The following TMEM214 variants were observed in gnomAD, a reference collection of about 807,000 sequenced individuals.
TMEM214 encodes the protein transmembrane protein 214.
TMEM214 carries 71 observed loss-of-function variants against 89.8 expected under a neutral mutation model. That is an observed-to-expected ratio of 0.79 (90% CI 0.65 to 0.96). The LOEUF (loss-of-function observed/expected upper bound fraction) is 0.96, where lower values mean the gene tolerates loss of function less well. TMEM214 is among the 40% of genes least tolerant of loss of function. TMEM214 has a pLI of 0.00. For synonymous variants in TMEM214, 332 were observed against 349.5 expected, an observed-to-expected ratio of 0.95 and a Z score of 0.56; for missense variants, 754 against 843.4, an observed-to-expected ratio of 0.89 and a Z score of 1.31.
rs1667600305 is a variant in TMEM214 at position 27,037,095 on chromosome 2, C to T, written c.927C>T (p.Thr309=). 1 of 1,613,908 alleles carries T rather than the reference C, an allele frequency of 6.2e-7. No individual in the cohort carries two copies. The highest frequency in any genetic ancestry group is 1.1e-5 in the South Asian group (1 of 91,078). The change falls in exon 8 of 17, where the codon ACC becomes ACT. Residue 309 remains threonine (T), a synonymous_variant. Transcript: ENST00000238788. ...CCCACAGGATGCATCCCAACCTTAC[C>T]AAGGGCTTCGGCATGATTGGCCCCA... is the stretch of plus-strand genomic sequence containing the variant. ...DRLLLMHPNL[T]KGFGMIGPKD...
intron 9 of TMEM214, 161 bp downstream of exon 9, chr2:27,037,863 A>G (rs1485582657): frequency 2.6e-6 from 4 of 1,559,892 alleles, no homozygotes; most frequent in Non-Finnish European, 2.6e-6. Flanking sequence ...TCACCCTCAG[A>G]AGATGGATCC....
Position 27,038,731 on chromosome 2 carries a change from G to C in TMEM214, c.1323G>C (p.Gln441His). ...KVQKSLQETI[Q>H]SLKLTNQELL... ...AGAAGTCTTTGCAAGAAACCATTCA[G>C]TCCCTCAAGCTTACCAACCAGGAGC... Residue 441 changes from glutamine to histidine, a missense_variant, in exon 12 of 17, where the codon CAG becomes CAC. Gln to His is a conservative substitution (Grantham distance 24). Transcript: ENST00000238788. The surrounding 1 kb of genome is among the most constrained non-coding windows in gnomAD (Gnocchi z 4.4). The C allele has an allele frequency of 6.2e-7, 1 of 1,614,164 alleles. No homozygotes were observed. The highest frequency in any genetic ancestry group is 8.5e-7 in the Non-Finnish European group (1 of 1,180,020).
At position 27,038,002 on chromosome 2, in the gene TMEM214, G is replaced by A. The variant is rs528838791; in HGVS notation, c.1153-144G>A. The A allele has an allele frequency of 1.3e-6, 2 of 1,582,766 alleles. No individual in the cohort carries two copies. The highest frequency in any genetic ancestry group is 3.7e-5 in the Admixed American group (2 of 54,640). On this transcript the variant is annotated intron_variant, in intron 9 of 16. Transcript: ENST00000238788. This position sits in a 1 kb window ranked among gnomAD's most constrained non-coding sequence, Gnocchi z 4.4. ...TTACAGCCTCTCAGAGAGCTTTCTG[G>A]AGTCTTGACACTGTTTCTCCACCCC... is the stretch of plus-strand genomic sequence containing the variant.
Position 27,038,230 on chromosome 2 carries a change from C to T in TMEM214, c.1237C>T (p.Gln413Ter), listed in dbSNP as rs757700807. ...WRQLYPKHLSQSSLLLEHLLS... is the reference protein window; with the variant it reads ...WRQLYPKHLS ...GCAGCTGTACCCTAAGCACCTGTCA[C>T]AGTCCAGGCAGGTGGGGTGGGAGGC... is the stretch of plus-strand genomic sequence containing the variant. The change falls in exon 10 of 17, where the codon CAG becomes TAG. Residue 413 changes from glutamine (Q) to a stop codon, truncating the protein, a stop_gained. Transcript: ENST00000238788. LOFTEE classifies it high-confidence loss of function. This position sits in a 1 kb window ranked among gnomAD's most constrained non-coding sequence, Gnocchi z 4.4. The T allele has an allele frequency of 6.2e-7, 1 of 1,613,340 alleles. No homozygotes were observed. Among genetic ancestry groups the T allele is most frequent in the Non-Finnish European group, 8.5e-7 (1 of 1,179,342 alleles).
At chr2:27,036,228 T>A (rs1390922037) in intron 5 of TMEM214, among the ~76,000 whole-genome samples, 176 bp downstream of exon 5, 1 of 152,230 alleles carries the variant, frequency 6.6e-6, no homozygotes, top group Non-Finnish European at 1.5e-5. Flanking sequence ...AGCAAGGTAC[T>A]GCTATTATTT....
chr2:27,033,051 G>A lies in TMEM214; in HGVS notation c.36G>A (p.Glu12=). ...AGACGGCGGGCGTGGGGCGGTGGGAGGTAGTGAAGAAGGGTCGGCGGCCTG... is the reference window on the plus strand; with the variant it reads ...AGACGGCGGGCGTGGGGCGGTGGGAAGTAGTGAAGAAGGGTCGGCGGCCTG... The part of the protein sequence containing the change: ...ATKTAGVGRW[E]VVKKGRRPGV... Residue 12 remains glutamate, a synonymous_variant, in exon 1 of 17, where the codon GAG becomes GAA. Coordinates refer to ENST00000238788, the MANE Select transcript of TMEM214 (RefSeq NM_017727.5). The A allele has an allele frequency of 8.0e-7, 1 of 1,247,540 alleles. No individual in the cohort carries two copies. Among genetic ancestry groups the A allele is most frequent in the South Asian group, 4.1e-5 (1 of 24,394 alleles). 77.3% of individuals were successfully genotyped at this position (1,247,540 alleles called of 1,614,324 possible).
chr2:27,039,895 GGGA>G (rs59935461), intron 14 of TMEM214, 58 bp downstream of exon 14: 1,591,251 of 1,600,328 alleles, frequency 0.99, 791,521 homozygotes, highest in East Asian at 1. Context: ...CTGGGTGTCA[GGGA>G]GGAGGCGACA....
chr2:27,037,817 C>G (rs1312455122), intron 9 of TMEM214, 115 bp downstream of exon 9: 2 of 1,602,876 alleles, frequency 1.2e-6, no homozygotes, highest in Admixed American at 1.7e-5. Flanking sequence ...TTCCTTAGCT[C>G]CCTGTTGACA....
In TMEM214 at chr2:27,039,833, T is replaced by C. The variant is rs200723345; in HGVS notation, c.1618T>C (p.Tyr540His). The part of the protein sequence containing the change: ...AKLYSYSLQG[Y>H]SWLGETLPLW... Reference sequence around the variant, plus strand: ...GCTCTACTCCTACAGTCTGCAAGGCTACAGGTGAGCTCCTCCCAGGGAGGG... The same window carrying C: ...GCTCTACTCCTACAGTCTGCAAGGCCACAGGTGAGCTCCTCCCAGGGAGGG... The change falls in exon 14 of 17, where the codon TAC (tyrosine) becomes CAC (histidine). Residue 540 changes from tyrosine (Y) to histidine (H), a missense_variant. Physicochemically the swap from Tyr to His is moderately conservative, Grantham distance 83 (BLOSUM62 2). Coordinates refer to ENST00000238788, the MANE Select transcript of TMEM214 (RefSeq NM_017727.5). The C allele has an allele frequency of 1.1e-5, 18 of 1,614,166 alleles. No individual in the cohort carries two copies. Among genetic ancestry groups the C allele is most frequent in the African/African-American group, 9.3e-5 (7 of 75,042 alleles).
intron 5 of TMEM214, 108 bp downstream of exon 5, chr2:27,036,160 A>G: frequency 2.1e-6 from 2 of 965,504 alleles, no homozygotes; most frequent in Non-Finnish European, 3.3e-6. Context: ...CTGTAAGCCT[A>G]GTAATAATGG....
chr2:27,037,151 A>G lies in TMEM214; in HGVS notation c.983A>G (p.Tyr328Cys), dbSNP rs762033632. Residue 328 changes from tyrosine (Y) to cysteine (C), a missense_variant, in exon 8 of 17, where the codon TAT (tyrosine) becomes TGT (cysteine). Physicochemically the swap from Tyr to Cys is radical, Grantham distance 194. Coordinates refer to ENST00000238788, the MANE Select transcript of TMEM214 (RefSeq NM_017727.5). ...KDFFPLLDFA[Y>C]MPNNSLTPSL... ...TTCTTCCCACTTCTGGACTTTGCCT[A>G]TATGCCGAACAACTCCCTGACACCC... The G allele has an allele frequency of 6.2e-6, 10 of 1,613,974 alleles. No homozygotes were observed. Among genetic ancestry groups the G allele is most frequent in the Admixed American group, 1.7e-5 (1 of 59,980 alleles).
chr2:27,034,114 A>G lies in TMEM214; in HGVS notation c.199A>G (p.Ile67Val), dbSNP rs766851800. The G allele has an allele frequency of 1.1e-5, 17 of 1,614,050 alleles. No individual in the cohort carries two copies. The highest frequency in any genetic ancestry group is 1.4e-5 in the Non-Finnish European group (16 of 1,180,042). ...STLYERGFENIMKRQNKEQVP... is the reference protein window; with the variant it reads ...STLYERGFENVMKRQNKEQVP... ...CCTTTATGAGCGGGGCTTTGAGAATATCATGAAGCGGCAGAATAAGGAGCA... is the reference window on the plus strand; with the variant it reads ...CCTTTATGAGCGGGGCTTTGAGAATGTCATGAAGCGGCAGAATAAGGAGCA... The change falls in exon 2 of 17, where the codon ATC becomes GTC. Residue 67 changes from isoleucine to valine, a missense_variant. Physicochemically the swap from Ile to Val is conservative, Grantham distance 29 (BLOSUM62 3). Transcript: ENST00000238788.
In TMEM214 at chr2:27,037,560, G is replaced by A. The variant is rs1256511263; in HGVS notation, c.1011-1G>A. The A allele has an allele frequency of 6.2e-7, 1 of 1,614,120 alleles. No individual in the cohort carries two copies. Among genetic ancestry groups the A allele is most frequent in the South Asian group, 1.1e-5 (1 of 91,084 alleles). Reference sequence around the variant, plus strand: ...CTGTCTTTCCTCCCCACCCCACCCAGCCTGCAGGAGCAGCTGTGTCAGCTC... The same window carrying A: ...CTGTCTTTCCTCCCCACCCCACCCAACCTGCAGGAGCAGCTGTGTCAGCTC... On this transcript the variant is annotated splice_acceptor_variant, in intron 8 of 16. Coordinates refer to ENST00000238788, the MANE Select transcript of TMEM214 (RefSeq NM_017727.5). LOFTEE classifies it high-confidence loss of function.
chr2:27,038,095 C>T lies in TMEM214; in HGVS notation c.1153-51C>T. 3 of 1,613,674 alleles carry T rather than the reference C, an allele frequency of 1.9e-6. No homozygotes were observed. Among genetic ancestry groups the T allele is most frequent in the East Asian group, 2.2e-5 (1 of 44,888 alleles). ...GGGATCACCTCTTAGCACTCCCCGCCTCTGCCAGCCCCATGCCCCCAGCAG... is the reference window on the plus strand; with the variant it reads ...GGGATCACCTCTTAGCACTCCCCGCTTCTGCCAGCCCCATGCCCCCAGCAG... On this transcript the variant is annotated intron_variant, in intron 9 of 16. Coordinates refer to ENST00000238788, the MANE Select transcript of TMEM214 (RefSeq NM_017727.5). This position sits in a 1 kb window ranked among gnomAD's most constrained non-coding sequence, Gnocchi z 4.4.
rs1572797786 is a variant in TMEM214 at position 27,040,915 on chromosome 2, A to C, written c.*78A>C. ...AGCGGGTAGAAGGTGGCAGTTCTTC[A>C]TGGGAGTCTTTTTAACTTGGTGCCT... On this transcript the variant is annotated 3_prime_UTR_variant, in exon 17 of 17. Transcript: ENST00000238788. 6.4e-7 allele frequency: 1 copy of C among 1,562,212 alleles called. No individual in the cohort carries two copies. The highest frequency in any genetic ancestry group is 8.7e-7 in the Non-Finnish European group (1 of 1,146,464).
intron 9 of TMEM214, 175 bp downstream of exon 9, chr2:27,037,877 G>A (rs1473591411): frequency 6.4e-7 from 1 of 1,555,542 alleles, no homozygotes; most frequent in South Asian, 1.2e-5. Flanking sequence ...TGGATCCCAA[G>A]AGACAGCACA....
rs748359334 is a variant in TMEM214, at chr2:27,036,626, C to T, written c.826+34C>T. ...GAAATAGGGAAGAAAGAGGGAGGGTCTCGGAGCTGGAAAACTCCTCTTTGA... is the reference window on the plus strand; with the variant it reads ...GAAATAGGGAAGAAAGAGGGAGGGTTTCGGAGCTGGAAAACTCCTCTTTGA... On this transcript the variant is annotated intron_variant, in intron 6 of 16. Transcript: ENST00000238788. 7.4e-6 allele frequency: 12 copies of T among 1,612,900 alleles called. No homozygotes were observed. The Admixed American group carries it at 1.8e-4, about 25-fold the overall frequency.
rs761929020 is a variant in TMEM214 at position 27,038,703 on chromosome 2, T to C, written c.1295T>C (p.Val432Ala). ...AGGCCAGACCTTTCTTGTCCATAGGTACAGAAGTCTTTGCAAGAAACCATT... is the reference window on the plus strand; with the variant it reads ...AGGCCAGACCTTTCTTGTCCATAGGCACAGAAGTCTTTGCAAGAAACCATT... ...LSSWEQIPKK[V>A]QKSLQETIQS... Residue 432 changes from valine to alanine, a missense_variant and splice_region_variant, in exon 12 of 17, where the codon GTA (valine) becomes GCA (alanine). Transcript: ENST00000238788. This position sits in a 1 kb window ranked among gnomAD's most constrained non-coding sequence, Gnocchi z 4.4. 1.9e-6 allele frequency: 3 copies of C among 1,613,908 alleles called. No individual in the cohort carries two copies. Among genetic ancestry groups the C allele is most frequent in the East Asian group, 2.2e-5 (1 of 44,876 alleles).
At chr2:27,036,849 A>G in intron 7 of TMEM214, 63 bp downstream of exon 7, 1 of 1,518,134 alleles carries the variant, frequency 6.6e-7, no homozygotes, top group Non-Finnish European at 9.1e-7. Flanking sequence ...TTATAGCAAA[A>G]TGGGAGGCTA....
Sources: allele counts gnomAD v4.1 joint callset (sites outside exome capture counted in the v4.1 genomes callset), GRCh38; gene constraint gnomAD v4.1.1; non-coding constraint Gnocchi (gnomAD v3.1); transcripts MANE v1.5; gene names NCBI Gene and HGNC (gene_info 2026-07-23, HGNC 2026-07-21).